Variants in SLC1A6 observed in about 807,000 individuals in gnomAD.
The protein encoded by SLC1A6 is solute carrier family 1 member 6, also known as excitatory amino acid transporter 4.
Under a neutral mutation model 42.1 loss-of-function variants are expected in SLC1A6, and 15 were observed. The ratio of observed to expected loss-of-function variants is 0.36; its 90% confidence interval spans 0.24 to 0.55. The LOEUF is 0.55. Ranked by LOEUF, SLC1A6 falls within the 20% of genes least tolerant of loss-of-function variation. The pLI is 0.88. For synonymous variants in SLC1A6, 317 were observed against 319.7 expected, an observed-to-expected ratio of 0.99 and a Z score of 0.09; for missense variants, 542 against 772.5, an observed-to-expected ratio of 0.70 and a Z score of 3.54.
chr19:14,978,426 A>G (rs1216045271), intron 1 of SLC1A6, among the ~76,000 whole-genome samples: 1 of 152,112 alleles, frequency 6.6e-6, no homozygotes, highest in Admixed American at 6.6e-5. Flanking sequence ...ACACGCACAC[A>G]TAACCTCGAA....
intron 7 of SLC1A6, among the ~76,000 whole-genome samples, chr19:14,955,049 T>C (rs1168122937): frequency 1.3e-5 from 2 of 152,130 alleles, no homozygotes; most frequent in African/African-American, 4.8e-5. Context: ...ACCTAATTGA[T>C]TGGCGAGTTT....
intron 1 of SLC1A6, among the ~76,000 whole-genome samples, chr19:15,007,307 C>G (rs4808827): frequency 6.6e-6 from 1 of 152,000 alleles, no homozygotes; most frequent in African/African-American, 2.4e-5. Context: ...TAGTGTGAGA[C>G]TCCATTGACA....
upstream of SLC1A6, among the ~76,000 whole-genome samples, chr19:14,984,687 T>C (rs1449591380): frequency 6.6e-6 from 1 of 152,196 alleles, no homozygotes; most frequent in African/African-American, 2.4e-5. Flanking sequence ...TGAAACCTCA[T>C]GCATTCGTCA....
intron 4 of SLC1A6, among the ~76,000 whole-genome samples, chr19:14,965,186 A>T (rs2145187853): frequency 6.6e-6 from 1 of 151,960 alleles, no homozygotes; most frequent in East Asian, 1.9e-4. Flanking sequence ...CGCCTGGCTA[A>T]TTTTTTGTAT....
chr19:14,975,876 G>A (rs1366718192), intron 1 of SLC1A6, among the ~76,000 whole-genome samples: 19 of 51,026 alleles, frequency 3.7e-4, no homozygotes, highest in African/African-American at 1.4e-3. Flanking sequence ...GAAGGAAAGG[G>A]AAGGGAAGGG....
chr19:14,985,038 T>G (rs375769463), intron 1 of SLC1A6, among the ~76,000 whole-genome samples: 1 of 152,066 alleles, frequency 6.6e-6, no homozygotes, highest in Non-Finnish European at 1.5e-5. Context: ...CGTGCCACCA[T>G]GCCTGGCTAA....
chr19:14,992,348 G>A (rs2145233145), intron 1 of SLC1A6, among the ~76,000 whole-genome samples: 1 of 152,308 alleles, frequency 6.6e-6, no homozygotes, highest in South Asian at 2.1e-4. Flanking sequence ...CTGTGGCCTT[G>A]TGAGTCTCTT....
intron 1 of SLC1A6, among the ~76,000 whole-genome samples, chr19:15,004,084 A>G (rs996190097): frequency 6.6e-6 from 1 of 152,150 alleles, no homozygotes; most frequent in Admixed American, 6.6e-5. Context: ...TGAACCCAGG[A>G]GGAGGAGGTT....
intron 1 of SLC1A6, among the ~76,000 whole-genome samples, chr19:14,994,459 G>T (rs2145234873): frequency 1.3e-5 from 2 of 152,158 alleles, no homozygotes; most frequent in South Asian, 4.2e-4. Context: ...CATGGATTCT[G>T]CAATCCTGTA....
At chr19:14,954,065 CA>C (rs1388177412) in intron 8 of SLC1A6, 69 bp downstream of exon 8, 1 of 1,323,904 alleles carries the variant, frequency 7.6e-7, no homozygotes, top group African/African-American at 1.5e-5. Context: ...CCTCCCTCCC[CA>C]ACCCTCCCAG....
At chr19:14,965,528 C>T (rs1020427541) in intron 4 of SLC1A6, among the ~76,000 whole-genome samples, 1 of 152,156 alleles carries the variant, frequency 6.6e-6, no homozygotes, top group African/African-American at 2.4e-5. Flanking sequence ...GATATATGTA[C>T]ACCATGGAAT....
Position 14,952,916 on chromosome 19 carries a change from G to C in SLC1A6, c.1499+12C>G. On this transcript the variant is annotated intron_variant, in intron 9 of 9. Transcript: ENST00000594383. ...AGCAGGAGCACCAGGGTCCAGCCTA[G>C]AGAACACTCACAGGAACCAGTCCAC... is the stretch of plus-strand genomic sequence containing the variant. The C allele has an allele frequency of 6.2e-7, 1 of 1,613,092 alleles. No individual in the cohort carries two copies. The highest frequency in any genetic ancestry group is 2.2e-5 in the East Asian group (1 of 44,820).
intron 5 of SLC1A6, 49 bp from the exon 6 acceptor site, chr19:14,962,394 G>A: frequency 7.2e-7 from 1 of 1,395,860 alleles, no homozygotes; most frequent in Non-Finnish European, 1.0e-6. Flanking sequence ...GGATGCATTA[G>A]AATCGCCTGG....
chr19:14,972,615 G>T (rs2045654214), intron 2 of SLC1A6, 91 bp downstream of exon 2: 3 of 1,038,312 alleles, frequency 2.9e-6, no homozygotes, highest in East Asian at 2.5e-5. Context: ...GAGAATGAAG[G>T]GGTGCAGCAA....
chr19:15,004,852 T>C (rs1468443542), intron 1 of SLC1A6, among the ~76,000 whole-genome samples: 11 of 152,174 alleles, frequency 7.2e-5, no homozygotes, highest in Non-Finnish European at 1.2e-4. Context: ...TAGTCCTCGG[T>C]CTTGTGTACA....
At chr19:14,980,468 A>C (rs1004555164), upstream of SLC1A6, among the ~76,000 whole-genome samples, 16 of 152,126 alleles carry the variant, frequency 1.1e-4, no homozygotes, top group Non-Finnish European at 4.4e-5. Flanking sequence ...CCATTTAAAG[A>C]TCTGAGCATC....
intron 1 of SLC1A6, among the ~76,000 whole-genome samples, chr19:14,996,288 A>AG (rs1394864682): frequency 8.5e-5 from 13 of 152,250 alleles, no homozygotes; most frequent in Admixed American, 6.5e-5. Flanking sequence ...ATTGGTTACC[A>AG]GGGACTGCAG....
chr19:14,954,777 T>C (rs535440697), intron 7 of SLC1A6, among the ~76,000 whole-genome samples: 257 of 152,276 alleles, frequency 1.7e-3, no homozygotes, highest in African/African-American at 5.8e-3. Context: ...CTCCTCATGA[T>C]ACAGGAAGAA....
In SLC1A6 at chr19:14,972,787, G is replaced by A; in HGVS notation, c.124C>T (p.Gln42Ter). The A allele has an allele frequency of 6.2e-7, 1 of 1,613,516 alleles. No individual in the cohort carries two copies. Among genetic ancestry groups the A allele is most frequent in the Non-Finnish European group, 8.5e-7 (1 of 1,179,858 alleles). The change falls in exon 2 of 10, where the codon CAG (glutamine) becomes TAG (stop). Residue 42 changes from glutamine to a stop codon, truncating the protein, a stop_gained. Transcript: ENST00000594383. LOFTEE classifies it high-confidence loss of function. ...AGCACGTGCTCGAGGGTCATGGTCT[G>A]CAGGCGCAGGCGCGTGCGCAGTGCT... ...QRALRTRLRL[Q>*]TMTLEHVLRF... is the part of the protein sequence containing the mutation.
Sources: gnomAD v4.1 joint callset for allele counts (sites outside exome capture counted in the v4.1 genomes callset) on GRCh38, gnomAD v4.1.1 for gene constraint, MANE v1.5 for transcripts, NCBI Gene and HGNC (gene_info 2026-07-23, HGNC 2026-07-21) for gene names.